LRMDA: variants seen among roughly 807,000 people sequenced by gnomAD.
The protein encoded by LRMDA is leucine-rich melanocyte differentiation-associated protein.
LRMDA carries 18 observed loss-of-function variants against 29.8 expected under a neutral mutation model. The observed-to-expected ratio is 0.60, with a 90% CI of 0.42 to 0.90. The LOEUF is 0.90. LRMDA is among the 40% of genes least tolerant of loss of function. The pLI is 0.00. For missense variants in LRMDA, 273 were observed against 273.9 expected, an observed-to-expected ratio of 1.00 and a Z score of 0.02; for synonymous variants, 125 against 109.4, an observed-to-expected ratio of 1.14 and a Z score of -0.89.
chr10:75,758,964 T>C (rs1427434460), intron 2 of LRMDA, among the ~76,000 whole-genome samples: 2 of 151,648 alleles, frequency 1.3e-5, no homozygotes, highest in Non-Finnish European at 2.9e-5. Context: ...TTTTTTTTTT[T>C]CGTCAAGAAG....
chr10:76,550,436 A>G (rs1206028114), intron 6 of LRMDA, among the ~76,000 whole-genome samples: 1 of 152,168 alleles, frequency 6.6e-6, no homozygotes, highest in Non-Finnish European at 1.5e-5. Flanking sequence ...TGAAGTGGTC[A>G]CTGCGGTATT....
At chr10:76,339,408 A>G (rs905186457) in intron 6 of LRMDA, among the ~76,000 whole-genome samples, 1 of 152,040 alleles carries the variant, frequency 6.6e-6, no homozygotes. Flanking sequence ...ACACTGTAGT[A>G]TATTAAAAAC....
chr10:76,278,755 GA>G (rs749798063), intron 5 of LRMDA, among the ~76,000 whole-genome samples: 5 of 152,144 alleles, frequency 3.3e-5, no homozygotes, highest in Non-Finnish European at 5.9e-5. Context: ...CCTTCCTCCT[GA>G]AATACAGTAG....
intron 2 of LRMDA, among the ~76,000 whole-genome samples, chr10:75,462,959 A>T (rs1243508695): frequency 6.6e-6 from 1 of 152,206 alleles, no homozygotes; most frequent in Admixed American, 6.5e-5. Flanking sequence ...GAGTGATGAG[A>T]CAATTAGCGG....
intron 2 of LRMDA, among the ~76,000 whole-genome samples, chr10:75,822,336 C>G (rs1254706243): frequency 6.6e-6 from 1 of 151,990 alleles, no homozygotes; most frequent in Non-Finnish European, 1.5e-5. Flanking sequence ...AATAGAAAAA[C>G]ATCTTGTGCT....
At chr10:76,189,023 C>G (rs1851199001) in intron 5 of LRMDA, among the ~76,000 whole-genome samples, 1 of 151,712 alleles carries the variant, frequency 6.6e-6, no homozygotes, top group South Asian at 2.1e-4. Context: ...GTCTTAACAG[C>G]TTAGTAGCCA....
At chr10:76,317,384 C>T (rs968910573) in intron 5 of LRMDA, among the ~76,000 whole-genome samples, 1 of 152,080 alleles carries the variant, frequency 6.6e-6, no homozygotes, top group African/African-American at 2.4e-5. Context: ...ATTTTTCCTC[C>T]CTTTTTTCAT....
intron 6 of LRMDA, among the ~76,000 whole-genome samples, chr10:76,452,524 T>C (rs1589193461): frequency 6.7e-6 from 1 of 150,078 alleles, no homozygotes; most frequent in African/African-American, 2.4e-5. Flanking sequence ...CAGGTAAAGA[T>C]GAGAACAGAG....
intron 2 of LRMDA, among the ~76,000 whole-genome samples, chr10:75,540,537 TCTGTAGAAAGATCTTACCTCCCCACTAG>T (rs1840002916): frequency 6.6e-6 from 1 of 152,196 alleles, no homozygotes; most frequent in South Asian, 2.1e-4. Flanking sequence ...TTGGCTGGTT[TCTGTAGAAAGATCTTACCTCCCCACTAG>T]CACTCTGCTC....
chr10:76,228,641 G>A (rs569769615), intron 5 of LRMDA, among the ~76,000 whole-genome samples: 3 of 152,246 alleles, frequency 2.0e-5, no homozygotes, highest in Admixed American at 1.3e-4. Context: ...AGTGGGGTTG[G>A]CGAGTCCAGG....
intron 6 of LRMDA, among the ~76,000 whole-genome samples, chr10:76,459,779 T>A (rs1436908196): frequency 6.6e-6 from 1 of 152,038 alleles, no homozygotes; most frequent in African/African-American, 2.4e-5. Context: ...TTTTTTTAAT[T>A]TTATTATTAT....
chr10:75,809,048 G>T (rs779993309), intron 2 of LRMDA, among the ~76,000 whole-genome samples: 1 of 152,114 alleles, frequency 6.6e-6, no homozygotes, highest in African/African-American at 2.4e-5. Context: ...GCCCACCCTT[G>T]CTGGCTTCTG....
chr10:76,366,902 C>A (rs908253706), intron 6 of LRMDA, among the ~76,000 whole-genome samples: 3 of 152,130 alleles, frequency 2.0e-5, no homozygotes, highest in African/African-American at 7.2e-5. Context: ...TCATAGATGG[C>A]TTTTATTACA....
intron 2 of LRMDA, among the ~76,000 whole-genome samples, chr10:75,981,278 G>A (rs1453433686): frequency 6.6e-6 from 1 of 152,138 alleles, no homozygotes; most frequent in African/African-American, 2.4e-5. Context: ...TGTTTTCTGG[G>A]TTGTATCATT....
At chr10:75,802,764 T>A (rs1665248988) in intron 2 of LRMDA, among the ~76,000 whole-genome samples, 1 of 152,124 alleles carries the variant, frequency 6.6e-6, no homozygotes, top group South Asian at 2.1e-4. Flanking sequence ...TAAAAAATAC[T>A]CTTCCAATTT....
chr10:76,457,924 T>C lies in LRMDA; in HGVS notation c.602-99285T>C, dbSNP rs567384455. Among the ~76,000 whole-genome samples, 37 of 152,228 alleles carry C rather than the reference T, an allele frequency of 2.4e-4. No individual in the cohort carries two copies. The South Asian group carries it at 7.1e-3, about 29-fold the overall frequency. ...ATCATTTACTAAGTATCAGCTGTAA[T>C]GGTGAAGATAAATATTCTAGACTTA... is the stretch of plus-strand genomic sequence containing the variant. On this transcript the variant is annotated intron_variant, in intron 6 of 6. Transcript: ENST00000611255.
intron 2 of LRMDA, among the ~76,000 whole-genome samples, chr10:75,500,631 T>G (rs980257515): frequency 7.2e-5 from 11 of 152,208 alleles, no homozygotes; most frequent in African/African-American, 2.7e-4. Context: ...GGGGTTTGAT[T>G]GACTTATAGT....
intron 2 of LRMDA, among the ~76,000 whole-genome samples, chr10:75,647,994 G>GCT (rs2132124394): frequency 6.8e-6 from 1 of 146,068 alleles, no homozygotes; most frequent in African/African-American, 2.8e-5. Flanking sequence ...GCCTCCAAAT[G>GCT]ATACCAAATG....
At chr10:76,324,910 A>G (rs1840816517) in intron 6 of LRMDA, among the ~76,000 whole-genome samples, 1 of 152,190 alleles carries the variant, frequency 6.6e-6, no homozygotes, top group Non-Finnish European at 1.5e-5. Flanking sequence ...AAGGAATTCC[A>G]ATTTGCCTGG....
Sources: allele counts gnomAD v4.1 joint callset (sites outside exome capture counted in the v4.1 genomes callset), GRCh38; gene constraint gnomAD v4.1.1; transcripts MANE v1.5; gene names NCBI Gene and HGNC (gene_info 2026-07-23, HGNC 2026-07-21).